CHST11: variants seen among roughly 807,000 people sequenced by gnomAD.
CHST11 encodes the protein C4S-1.
CHST11 carries 9 observed loss-of-function variants against 30.4 expected under a neutral mutation model. That is an observed-to-expected ratio of 0.30 (90% CI 0.18 to 0.52). CHST11 has a LOEUF of 0.52. Ranked by LOEUF, CHST11 falls within the 20% of genes least tolerant of loss-of-function variation. The pLI, the probability that CHST11 is intolerant of heterozygous loss-of-function variation, is 0.97. For synonymous variants in CHST11, 152 were observed against 187.8 expected, an observed-to-expected ratio of 0.81 and a Z score of 1.56; for missense variants, 348 against 460.6, an observed-to-expected ratio of 0.76 and a Z score of 2.24.
intron 1 of CHST11, among the ~76,000 whole-genome samples, chr12:104,469,820 G>T (rs2037490628): frequency 6.6e-6 from 1 of 152,192 alleles, no homozygotes; most frequent in Non-Finnish European, 1.5e-5. Flanking sequence ...TCAACCTGAG[G>T]CCAGGCTCAC....
At chr12:104,662,304 C>A (rs2039605119) in intron 2 of CHST11, among the ~76,000 whole-genome samples, 1 of 152,166 alleles carries the variant, frequency 6.6e-6, no homozygotes, top group Admixed American at 6.5e-5. Context: ...CGTTTCTCAT[C>A]TTAAAGGCTG....
At chr12:104,544,769 T>TCCCCCCCCGTCC (rs199741884) in intron 1 of CHST11, among the ~76,000 whole-genome samples, 1 of 51,414 alleles carries the variant, frequency 1.9e-5, no homozygotes. Context: ...GGGGTCACAG[T>TCCCCCCCCGTCC]CCCCCCACCC....
chr12:104,558,205 G>A (rs1004382591), intron 1 of CHST11, among the ~76,000 whole-genome samples: 1 of 152,050 alleles, frequency 6.6e-6, no homozygotes, highest in African/African-American at 2.4e-5. Flanking sequence ...CGCTGTCCCT[G>A]CTGGTGGGCA....
In CHST11 at chr12:104,758,503, G is replaced by A. The variant is rs537991702; in HGVS notation, c.*700G>A. On this transcript the variant is annotated 3_prime_UTR_variant, in exon 3 of 3. Coordinates refer to ENST00000303694, the MANE Select transcript of CHST11 (RefSeq NM_018413.6). ...TTTTTAACAGGAATTTTAAACTGGC[G>A]GTGCCAGTTGCAGTGAAGGTGAAGT... The A allele has an allele frequency of 9.9e-5, 15 of 152,218 alleles. No homozygotes were observed. The highest frequency in any genetic ancestry group is 5.8e-4 in the East Asian group (3 of 5,196). 9.4% of individuals were successfully genotyped at this position (152,218 alleles called of 1,614,324 possible).
intron 2 of CHST11, among the ~76,000 whole-genome samples, chr12:104,698,896 A>G (rs1009326915): frequency 8.5e-5 from 13 of 152,238 alleles, no homozygotes; most frequent in African/African-American, 2.4e-4. Context: ...AAGTAATTCA[A>G]TTGAATGTGA....
In CHST11 at chr12:104,556,589, G is replaced by A. The variant is rs1041353431; in HGVS notation, c.119-45317G>A. Reference sequence around the variant, plus strand: ...TTGGTGTTCCCTGGCCCGTAGACACGTCTCTCCAGGCTCTGCCTCTATCCT... The same window carrying A: ...TTGGTGTTCCCTGGCCCGTAGACACATCTCTCCAGGCTCTGCCTCTATCCT... On this transcript the variant is annotated intron_variant, in intron 1 of 2. Transcript: ENST00000303694. 7.2e-5 allele frequency among the ~76,000 whole-genome samples: 11 copies of A among 152,270 alleles called. No homozygotes were observed. The East Asian group carries it at 1.9e-3, about 27-fold the overall frequency.
chr12:104,583,787 A>G (rs1040730190), intron 1 of CHST11, among the ~76,000 whole-genome samples: 1 of 151,674 alleles, frequency 6.6e-6, no homozygotes, highest in Non-Finnish European at 1.5e-5. Flanking sequence ...ATCTCAGCTC[A>G]CTGCAACCTC....
intron 1 of CHST11, among the ~76,000 whole-genome samples, chr12:104,526,620 C>T (rs556415160): frequency 1.3e-4 from 20 of 152,288 alleles, no homozygotes; most frequent in Middle Eastern, 6.8e-3. Flanking sequence ...GGCACCAGAG[C>T]GCCAGTTCTT....
At chr12:104,593,573 T>C (rs2136041671) in intron 1 of CHST11, among the ~76,000 whole-genome samples, 1 of 152,332 alleles carries the variant, frequency 6.6e-6, no homozygotes, top group Non-Finnish European at 1.5e-5. Context: ...CATTTGGGAC[T>C]GCCTATTTGC....
chr12:104,470,074 G>A (rs1323516662), intron 1 of CHST11, among the ~76,000 whole-genome samples: 1 of 152,218 alleles, frequency 6.6e-6, no homozygotes, highest in Non-Finnish European at 1.5e-5. Context: ...AACTGGGGAA[G>A]GTGTGCTACT....
intron 2 of CHST11, among the ~76,000 whole-genome samples, chr12:104,612,072 G>A (rs11112133): frequency 0.27 from 40,597 of 152,180 alleles, 5,542 homozygotes; most frequent in East Asian, 0.42. Flanking sequence ...CTTCTGTAGT[G>A]TGCGGCACGC....
chr12:104,623,654 G>A (rs2039183562), intron 2 of CHST11, among the ~76,000 whole-genome samples: 1 of 152,000 alleles, frequency 6.6e-6, no homozygotes, highest in South Asian at 2.1e-4. Context: ...AGGTTGCGGT[G>A]AGCCGAGATC....
chr12:104,637,787 G>A (rs190090450), intron 2 of CHST11, among the ~76,000 whole-genome samples: 4 of 152,234 alleles, frequency 2.6e-5, no homozygotes, highest in East Asian at 1.9e-4. Context: ...ATCTGGTCAC[G>A]TACATGCACT....
At chr12:104,509,245 A>G (rs1236911807) in intron 1 of CHST11, among the ~76,000 whole-genome samples, 1 of 152,168 alleles carries the variant, frequency 6.6e-6, no homozygotes, top group African/African-American at 2.4e-5. Context: ...GCCTGCTGCC[A>G]TCCATGTAAG....
At chr12:104,698,610 A>C (rs1381935599) in intron 2 of CHST11, among the ~76,000 whole-genome samples, 1 of 152,182 alleles carries the variant, frequency 6.6e-6, no homozygotes, top group East Asian at 1.9e-4. Context: ...ATATTGGTGA[A>C]TGTCTCCTGA....
At chr12:104,755,164 T>C (rs1270689001) in intron 2 of CHST11, among the ~76,000 whole-genome samples, 1 of 152,064 alleles carries the variant, frequency 6.6e-6, no homozygotes, top group Non-Finnish European at 1.5e-5. Context: ...TTGTGCAGAT[T>C]GAGGTTCAAA....
chr12:104,742,214 G>T (rs187970915), intron 2 of CHST11, among the ~76,000 whole-genome samples: 1 of 152,168 alleles, frequency 6.6e-6, no homozygotes, highest in Non-Finnish European at 1.5e-5. Context: ...CAAAATAGAA[G>T]TAGAATATTC....
chr12:104,534,105 AAC>A (rs2038213103), intron 1 of CHST11, among the ~76,000 whole-genome samples: 1 of 152,216 alleles, frequency 6.6e-6, no homozygotes, highest in African/African-American at 2.4e-5. Context: ...ATGTTGAAAT[AAC>A]AGTTCTTTTT....
intron 1 of CHST11, among the ~76,000 whole-genome samples, chr12:104,529,228 A>G (rs1302393036): frequency 1.3e-5 from 2 of 152,210 alleles, no homozygotes; most frequent in African/African-American, 2.4e-5. Context: ...TAGGTCTGGC[A>G]TACATTTCTG....
Sources: allele counts gnomAD v4.1 joint callset (sites outside exome capture counted in the v4.1 genomes callset), GRCh38; gene constraint gnomAD v4.1.1; transcripts MANE v1.5; gene names NCBI Gene and HGNC (gene_info 2026-07-23, HGNC 2026-07-21).